Variants in WDR70 observed in about 807,000 individuals in gnomAD.
The protein encoded by WDR70 is WD repeat domain 70, also known as WD repeat-containing protein 70.
WDR70 carries 53 observed loss-of-function variants against 88.6 expected under a neutral mutation model. The observed-to-expected ratio is 0.60, with a 90% CI of 0.48 to 0.75. The LOEUF (loss-of-function observed/expected upper bound fraction) is 0.75. Among genes scored for constraint, WDR70 ranks in the 30% least tolerant of loss-of-function variants. The probability of loss-of-function intolerance (pLI) is 0.00; values close to 1 mark genes in which losing one functional copy is unlikely to be tolerated. For synonymous variants in WDR70, 280 were observed against 270.0 expected (o/e 1.04, Z -0.36); for missense variants, 610 against 823.2 (o/e 0.74, Z 3.17).
intron 10 of WDR70, among the ~76,000 whole-genome samples, chr5:37,650,361 A>G (rs1745367956): frequency 6.6e-6 from 1 of 152,044 alleles, no homozygotes; most frequent in South Asian, 2.1e-4. Context: ...AGATCACGCT[A>G]CTGCACTCCA....
In WDR70 at chr5:37,462,085, ATT is replaced by A. The variant is rs1739023603; in HGVS notation, c.687-17747_687-17746del. On this transcript the variant is annotated intron_variant, in intron 7 of 17. Transcript: ENST00000265107. The stretch of plus-strand genomic sequence containing the variant: ...TTCAGTAGTCCTTTCATTTATCCTG[ATT>A]TAATATTTTTCTAGGTTATTTCTTT... 5.9e-5 allele frequency among the ~76,000 whole-genome samples: 9 copies of A among 152,080 alleles called. No homozygotes were observed. In the South Asian group the frequency reaches 1.9e-3, roughly 32 times the overall value.
chr5:37,721,456 T>C, intron 14 of WDR70: 1 of 539,710 alleles, frequency 1.9e-6, no homozygotes, highest in Admixed American at 3.1e-5. Flanking sequence ...GTTGTTTAGC[T>C]GAAATGTTGA....
At chr5:37,490,003 G>C (rs1403953522) in intron 8 of WDR70, among the ~76,000 whole-genome samples, 1 of 152,016 alleles carries the variant, frequency 6.6e-6, no homozygotes, top group Non-Finnish European at 1.5e-5. Context: ...GGTCCAAATG[G>C]GTATAGGCTG....
At chr5:37,517,369 A>AT (rs34483969) in intron 9 of WDR70, among the ~76,000 whole-genome samples, 87,610 of 147,190 alleles carry the variant, frequency 0.6, 27,134 homozygotes, top group Non-Finnish European at 0.69. Context: ...TGGTTATTAA[A>AT]TTTTTTTTTT....
At chr5:37,446,516 A>G (rs1738484520) in intron 7 of WDR70, among the ~76,000 whole-genome samples, 1 of 152,218 alleles carries the variant, frequency 6.6e-6, no homozygotes, top group Non-Finnish European at 1.5e-5. Context: ...AGCTGGAGGC[A>G]TCATGCTACC....
At chr5:37,583,151 G>T (rs1412289068) in intron 9 of WDR70, among the ~76,000 whole-genome samples, 1 of 152,214 alleles carries the variant, frequency 6.6e-6, no homozygotes, top group Admixed American at 6.5e-5. Flanking sequence ...TAGAGGCTGG[G>T]TGTGGTGGCT....
At chr5:37,464,301 T>C (rs111552809) in intron 7 of WDR70, among the ~76,000 whole-genome samples, 8,688 of 152,214 alleles carry the variant, frequency 0.057, 788 homozygotes, top group African/African-American at 0.19. Context: ...CTCTGAACTT[T>C]CTGATTATCA....
chr5:37,492,871 T>C (rs1468542382), intron 8 of WDR70, among the ~76,000 whole-genome samples: 1 of 152,184 alleles, frequency 6.6e-6, no homozygotes, highest in Non-Finnish European at 1.5e-5. Context: ...TCTGAAAGCA[T>C]GGTATGGAGA....
At chr5:37,485,430 C>G (rs9687741) in intron 8 of WDR70, among the ~76,000 whole-genome samples, 90,204 of 151,914 alleles carry the variant, frequency 0.59, 28,230 homozygotes, top group Non-Finnish European at 0.69. Flanking sequence ...GTCAGGTATC[C>G]TTTTTGTGGT....
chr5:37,696,710 A>G (rs1746994226), intron 10 of WDR70, among the ~76,000 whole-genome samples: 1 of 152,220 alleles, frequency 6.6e-6, no homozygotes, highest in Non-Finnish European at 1.5e-5. Context: ...AGGTTACTCT[A>G]TTAATGACAG....
chr5:37,475,262 T>G (rs544665464), intron 7 of WDR70, among the ~76,000 whole-genome samples: 9 of 147,216 alleles, frequency 6.1e-5, no homozygotes, highest in African/African-American at 2.3e-4. Flanking sequence ...TTAAATGGAG[T>G]TTCGCTTTTG....
intron 8 of WDR70, among the ~76,000 whole-genome samples, chr5:37,483,999 C>T (rs568259201): frequency 0.019 from 2,899 of 150,490 alleles, 71 homozygotes; most frequent in African/African-American, 0.067. Context: ...AGACGATGGG[C>T]GGCCGGGCAG....
In WDR70 at chr5:37,422,873, C is replaced by T. The variant is rs558756186; in HGVS notation, c.493-15049C>T. ...AACTCCTGAGCTCAAATCGATCTGC[C>T]CGCCTCAGCCTCCCAAACTGCTGAG... On this transcript the variant is annotated intron_variant, in intron 5 of 17. Transcript: ENST00000265107. 7.2e-5 allele frequency among the ~76,000 whole-genome samples: 11 copies of T among 152,108 alleles called. 3 individuals are homozygous for T. Among genetic ancestry groups the T allele is most frequent in the African/African-American group, 2.7e-4 (11 of 41,482 alleles).
chr5:37,704,988 G>T (rs903602868), intron 13 of WDR70, among the ~76,000 whole-genome samples: 1 of 151,996 alleles, frequency 6.6e-6, no homozygotes, highest in Non-Finnish European at 1.5e-5. Context: ...TGGTGAGTCT[G>T]TGTAGATGAA....
In WDR70 at chr5:37,563,197, T is replaced by A. The variant is rs868496703; in HGVS notation, c.918-41867T>A. On this transcript the variant is annotated intron_variant, in intron 9 of 17. Coordinates refer to ENST00000265107, the MANE Select transcript of WDR70 (RefSeq NM_018034.4). ...GGGGCTGACCCCCCCACCTCCCTCC[T>A]GGACGGGGCGGCTGGCCGGGCAGAG... Among the ~76,000 whole-genome samples, 3 of 44,554 alleles carry A rather than the reference T, an allele frequency of 6.7e-5. 1 individual carries two copies. The highest frequency in any genetic ancestry group is 1.1e-4 in the Non-Finnish European group (2 of 18,326). The allele number at this position is 44,554 out of a possible 152,430, so 29.2% of individuals were successfully genotyped here.
intron 9 of WDR70, among the ~76,000 whole-genome samples, chr5:37,560,190 A>C (rs1742457911): frequency 6.6e-6 from 1 of 152,188 alleles, no homozygotes; most frequent in Admixed American, 6.5e-5. Context: ...AGAGAGAGAG[A>C]TAGACACTAC....
intron 8 of WDR70, among the ~76,000 whole-genome samples, chr5:37,508,838 A>G (rs1740636631): frequency 6.6e-6 from 1 of 152,140 alleles, no homozygotes; most frequent in Non-Finnish European, 1.5e-5. Flanking sequence ...TTTTGGGGAA[A>G]CTGTTGTGAA....
chr5:37,660,676 T>A (rs1329901385), intron 10 of WDR70, among the ~76,000 whole-genome samples: 1 of 152,172 alleles, frequency 6.6e-6, no homozygotes. Context: ...ATTTTTAGGC[T>A]GATCTTCAGT....
chr5:37,599,992 G>T (rs1230751031), intron 9 of WDR70, among the ~76,000 whole-genome samples: 1 of 151,824 alleles, frequency 6.6e-6, no homozygotes, highest in Non-Finnish European at 1.5e-5. Context: ...AGGTCCTAAA[G>T]AAAACATAGG....
Sources: gnomAD v4.1 joint callset for allele counts (sites outside exome capture counted in the v4.1 genomes callset) on GRCh38, gnomAD v4.1.1 for gene constraint, MANE v1.5 for transcripts, NCBI Gene and HGNC (gene_info 2026-07-23, HGNC 2026-07-21) for gene names.